The following CYLC2 variants were observed in gnomAD, a reference collection of about 807,000 sequenced individuals.
The protein encoded by CYLC2 is cylicin-2.
In CYLC2, 30 loss-of-function variants were observed where a neutral mutation model predicts 26.1. The observed-to-expected ratio is 1.15, with a 90% CI of 0.86 to 1.56. The LOEUF (loss-of-function observed/expected upper bound fraction) is 1.56, where lower values mean the gene tolerates loss of function less well. Among genes scored for constraint, CYLC2 ranks in the 40% most tolerant of loss-of-function variants. The pLI is 0.00. For missense variants in CYLC2, 498 were observed against 394.4 expected, an observed-to-expected ratio of 1.26 and a Z score of -2.23; for synonymous variants, 158 against 132.8, an observed-to-expected ratio of 1.19 and a Z score of -1.31.
intron 6 of CYLC2, among the ~76,000 whole-genome samples, chr9:103,014,868 G>A (rs1829477857): frequency 8.0e-6 from 1 of 125,674 alleles, no homozygotes; most frequent in Admixed American, 8.5e-5. Context: ...CATAATATAT[G>A]TAATATACTA....
At chr9:103,000,521 G>A (rs1829278065) in intron 1 of CYLC2, among the ~76,000 whole-genome samples, 1 of 151,934 alleles carries the variant, frequency 6.6e-6, no homozygotes, top group South Asian at 2.1e-4. Flanking sequence ...ATATGATGGG[G>A]CAAGTAATTT....
intron 1 of CYLC2, among the ~76,000 whole-genome samples, chr9:103,000,438 T>A (rs1322188187): frequency 6.6e-6 from 1 of 152,042 alleles, no homozygotes; most frequent in Non-Finnish European, 1.5e-5. Context: ...CAGTTCATAA[T>A]CATTGTTGGG....
intron 1 of CYLC2, among the ~76,000 whole-genome samples, chr9:102,997,515 C>T (rs1428241199): frequency 6.6e-6 from 1 of 151,902 alleles, no homozygotes; most frequent in African/African-American, 2.4e-5. Context: ...ACAGAGACTC[C>T]TCTAGCAAAT....
chr9:102,997,162 G>A (rs17766628), intron 1 of CYLC2, among the ~76,000 whole-genome samples: 31,545 of 151,604 alleles, frequency 0.21, 3,802 homozygotes, highest in Non-Finnish European at 0.26. Context: ...CACTCACATC[G>A]TAGTCTAGAA....
chr9:103,002,547 T>C (rs573131453), intron 2 of CYLC2, among the ~76,000 whole-genome samples: 36 of 151,800 alleles, frequency 2.4e-4, no homozygotes, highest in African/African-American at 8.0e-4. Context: ...AGAGACGGGG[T>C]TTCACCGTGT....
At chr9:103,001,928 T>C (rs945304761) in intron 2 of CYLC2, among the ~76,000 whole-genome samples, 1 of 152,124 alleles carries the variant, frequency 6.6e-6, no homozygotes, top group Non-Finnish European at 1.5e-5. Context: ...TAACTTCTTG[T>C]TTATGTCAGG....
chr9:103,015,664 C>T (rs1829497179), intron 6 of CYLC2, among the ~76,000 whole-genome samples: 1 of 148,458 alleles, frequency 6.7e-6, no homozygotes, highest in South Asian at 2.1e-4. Context: ...CAGCGCTCTA[C>T]CTTTCAGAGT....
In CYLC2 at chr9:103,013,154, A is replaced by ATT. The variant is rs1564100291; in HGVS notation, c.*816+1057_*816+1058insTT. Among the ~76,000 whole-genome samples, 5 of 31,010 alleles carry ATT rather than the reference A, an allele frequency of 1.6e-4. No individual in the cohort carries two copies. The East Asian group carries it at 7.0e-3, about 43-fold the overall frequency. The allele number at this position is 31,010 out of a possible 152,430, so 20.3% of individuals were successfully genotyped here. A position where few individuals can be genotyped will look rare whatever the true frequency, so the allele number is the denominator to read the frequency against. ...ATATCATATAAATATATCATATATAAATATATATTATATAAATATATATTT... is the reference window on the plus strand; with the variant it reads ...ATATCATATAAATATATCATATATAATTATATATATTATATAAATATATATTT... On this transcript the variant is annotated intron_variant, in intron 6 of 7. Transcript: ENST00000374798.
chr9:103,007,022 C>T lies in CYLC2; in HGVS notation c.*700+644C>T, dbSNP rs148259160. 8.7e-3 allele frequency among the ~76,000 whole-genome samples: 1,325 copies of T among 151,978 alleles called. 14 individuals carry two copies. Among genetic ancestry groups the T allele is most frequent in the Non-Finnish European group, 0.014 (960 of 67,976 alleles). On this transcript the variant is annotated intron_variant, in intron 5 of 7. Transcript: ENST00000374798. ...ATGCTTCATAACATCATATTGTACACGATAAATATGCTTTTACTGATCAAA... is the reference window on the plus strand; with the variant it reads ...ATGCTTCATAACATCATATTGTACATGATAAATATGCTTTTACTGATCAAA...
chr9:103,016,024 G>C (rs1391082677), intron 6 of CYLC2, among the ~76,000 whole-genome samples: 1 of 150,576 alleles, frequency 6.6e-6, no homozygotes, highest in Non-Finnish European at 1.5e-5. Flanking sequence ...TATCTATATG[G>C]ATTTTGATAG....
chr9:103,004,740 T>A lies in CYLC2; in HGVS notation c.226T>A (p.Trp76Arg). 1 of 1,608,076 alleles carries A rather than the reference T, an allele frequency of 6.2e-7. No homozygotes were observed. Among genetic ancestry groups the A allele is most frequent in the Non-Finnish European group, 8.5e-7 (1 of 1,177,670 alleles). ...QLRGDRRQPLWMYRSLMRISE... is the reference protein window; with the variant it reads ...QLRGDRRQPLRMYRSLMRISE... ...AAGAGGAGATCGTAGACAACCATTA[T>A]GGATGTACCGTTCTTTAATGAGAAT... Residue 76 changes from tryptophan to arginine, a missense_variant, in exon 4 of 8, where the codon TGG becomes AGG. Trp to Arg is a moderately radical substitution (Grantham distance 101, BLOSUM62 -3). Transcript: ENST00000374798.
chr9:103,008,045 A>T (rs1829369620), intron 5 of CYLC2, among the ~76,000 whole-genome samples: 1 of 150,748 alleles, frequency 6.6e-6, no homozygotes, highest in Non-Finnish European at 1.5e-5. Context: ...CCTGCTCATC[A>T]TCTTCCTCTG....
At chr9:103,014,129 T>C (rs1376401205) in intron 6 of CYLC2, among the ~76,000 whole-genome samples, 1 of 119,802 alleles carries the variant, frequency 8.3e-6, no homozygotes, top group African/African-American at 3.4e-5. Context: ...TATATTATAT[T>C]ATAATATATT....
At position 103,005,246 on chromosome 9, in the gene CYLC2, A is replaced by G. The variant is rs943723128; in HGVS notation, c.615A>G (p.Glu205=). Residue 205 remains glutamate (E), a synonymous_variant, in exon 5 of 8, where the codon GAA becomes GAG. Transcript: ENST00000374798. ...ACAAAGGCAAAGACTCGGCAACAGA[A>G]TCTGAAGGTGAAAAAGGAGGTACAG... ...DSNKGKDSAT[E]SEGEKGGTEK... 3.1e-6 allele frequency: 5 copies of G among 1,613,224 alleles called. No homozygotes were observed. The Admixed American group carries it at 8.4e-5, about 27-fold the overall frequency.
chr9:103,012,760 T>C (rs1829420937), intron 6 of CYLC2, among the ~76,000 whole-genome samples: 2 of 151,962 alleles, frequency 1.3e-5, no homozygotes, highest in South Asian at 2.1e-4. Flanking sequence ...TTATAGTTAT[T>C]AATAAGTTAT....
At chr9:103,013,976 T>C (rs1267869366) in intron 6 of CYLC2, among the ~76,000 whole-genome samples, 3 of 100,104 alleles carry the variant, frequency 3.0e-5, no homozygotes, top group African/African-American at 1.1e-4. Flanking sequence ...TTATATTATA[T>C]ATTATTTAAT....
Position 103,004,957 on chromosome 9 carries a change from A to G in CYLC2, c.338-12A>G. On this transcript the variant is annotated splice_polypyrimidine_tract_variant and intron_variant, in intron 4 of 7. Transcript: ENST00000374798. ...TTCCCATTTTAAGAAATATTTGAATATTTATCCCCAGAAATTGGTAAGAAA... is the reference window on the plus strand; with the variant it reads ...TTCCCATTTTAAGAAATATTTGAATGTTTATCCCCAGAAATTGGTAAGAAA... The G allele has an allele frequency of 6.3e-7, 1 of 1,577,326 alleles. No individual in the cohort carries two copies. The highest frequency in any genetic ancestry group is 8.6e-7 in the Non-Finnish European group (1 of 1,168,964).
chr9:103,015,574 A>C (rs1829495949), intron 6 of CYLC2, among the ~76,000 whole-genome samples: 1 of 144,806 alleles, frequency 6.9e-6, no homozygotes, highest in Admixed American at 7.3e-5. Context: ...TATACATAAA[A>C]TAAATCTCCT....
intron 6 of CYLC2, among the ~76,000 whole-genome samples, chr9:103,012,579 A>C (rs2118259560): frequency 6.6e-6 from 1 of 152,146 alleles, no homozygotes; most frequent in South Asian, 2.1e-4. Context: ...CTAATCCATA[A>C]TAAAATAAAA....
Sources: gnomAD v4.1 joint callset for allele counts (sites outside exome capture counted in the v4.1 genomes callset) on GRCh38, gnomAD v4.1.1 for gene constraint, MANE v1.5 for transcripts, NCBI Gene and HGNC (gene_info 2026-07-23, HGNC 2026-07-21) for gene names.